ZC3H12B: variants seen among roughly 807,000 people sequenced by gnomAD.
The protein encoded by ZC3H12B is probable ribonuclease ZC3H12B.
In ZC3H12B, 7 loss-of-function variants were observed where a neutral mutation model predicts 43.9. The observed-to-expected ratio is 0.16, with a 90% CI of 0.09 to 0.30. The LOEUF is 0.30. Among genes scored for constraint, ZC3H12B ranks in the 10% least tolerant of loss-of-function variants. The pLI, the probability that ZC3H12B is intolerant of heterozygous loss-of-function variation, is 1.00. For missense variants in ZC3H12B, 475 were observed against 670.2 expected (o/e 0.71, Z 3.22); for synonymous variants, 222 against 241.7 (o/e 0.92, Z 0.76).
the ZC3H12B span, among the ~76,000 whole-genome samples, chrX:65,115,948 G>T: frequency 9.0e-6 from 1 of 110,663 alleles, no homozygotes; most frequent in Non-Finnish European, 1.9e-5. Flanking sequence ...CTTGATATTA[G>T]TCCTTTGTCA....
the ZC3H12B span, among the ~76,000 whole-genome samples, chrX:65,045,226 A>G: frequency 9.0e-6 from 1 of 111,229 alleles, no homozygotes; most frequent in Non-Finnish European, 1.9e-5. Context: ...AAATAAGACA[A>G]AAAAGGAAGT....
the ZC3H12B span, among the ~76,000 whole-genome samples, chrX:65,256,931 A>G: frequency 3.6e-5 from 4 of 112,349 alleles, no homozygotes; most frequent in Admixed American, 1.9e-4. Context: ...TAGAATGGCG[A>G]TCATGAAAAA....
the ZC3H12B span, among the ~76,000 whole-genome samples, chrX:65,297,013 C>A: frequency 9.0e-6 from 1 of 111,351 alleles, no homozygotes; most frequent in Admixed American, 9.5e-5. Context: ...GTAATAAAAG[C>A]CATCTATGAC....
the ZC3H12B span, among the ~76,000 whole-genome samples, chrX:65,076,706 AT>A: frequency 9.7e-6 from 1 of 102,626 alleles, no homozygotes; most frequent in African/African-American, 3.6e-5. Flanking sequence ...TTTAAATTTT[AT>A]TTTGGCTGTT....
chrX:65,499,346 C>T (rs2148239667), intron 3 of ZC3H12B, 113 bp downstream of exon 8: 1 of 583,792 alleles, frequency 1.7e-6, no homozygotes, highest in East Asian at 3.6e-5. Flanking sequence ...AGTTGCCACA[C>T]AGATAAAAGG....
At chrX:65,303,692 G>A in the ZC3H12B span, among the ~76,000 whole-genome samples, 1 of 112,146 alleles carries the variant, frequency 8.9e-6, no homozygotes, top group Non-Finnish European at 1.9e-5. Context: ...ACAATCAAAC[G>A]TGAAAGTTTG....
At chrX:65,151,833 T>G in the ZC3H12B span, among the ~76,000 whole-genome samples, 1 of 111,796 alleles carries the variant, frequency 8.9e-6, no homozygotes, top group East Asian at 2.8e-4. Context: ...AAATCCTCAA[T>G]AAAATACTGG....
At chrX:65,128,342 T>G in the ZC3H12B span, among the ~76,000 whole-genome samples, 2 of 112,476 alleles carry the variant, frequency 1.8e-5, no homozygotes, top group African/African-American at 6.5e-5. Context: ...AAGATTGTTG[T>G]TTAACGTCAA....
the ZC3H12B span, among the ~76,000 whole-genome samples, chrX:65,302,516 C>A: frequency 1.8e-5 from 2 of 111,779 alleles, no homozygotes; most frequent in East Asian, 2.8e-4. Context: ...TAAAGAAGAA[C>A]TAAATAAATG....
the ZC3H12B span, among the ~76,000 whole-genome samples, chrX:65,319,126 T>A: frequency 9.1e-6 from 1 of 109,967 alleles, no homozygotes; most frequent in Non-Finnish European, 1.9e-5. Context: ...CATACAAAGG[T>A]CAAAGAATGC....
the ZC3H12B span, among the ~76,000 whole-genome samples, chrX:65,149,066 T>C: frequency 8.9e-6 from 1 of 111,884 alleles, no homozygotes; most frequent in African/African-American, 3.3e-5. Flanking sequence ...TGGTTAGGAC[T>C]TGTGAAGGAG....
chrX:65,292,130 A>G, the ZC3H12B span, among the ~76,000 whole-genome samples: 1 of 112,063 alleles, frequency 8.9e-6, no homozygotes, highest in Non-Finnish European at 1.9e-5. Flanking sequence ...AGAAATCAGT[A>G]AAGACATAAT....
chrX:65,452,567 G>A lies in ZC3H12B; in HGVS notation n.408-36079G>A, dbSNP rs189566118. Among the ~76,000 whole-genome samples, 342 of 111,789 alleles carry A rather than the reference G, an allele frequency of 3.1e-3. 3 individuals are homozygous for A. Among genetic ancestry groups the A allele is most frequent in the African/African-American group, 0.01 (320 of 30,790 alleles). ...AAATGAAAACACATACTGGCTGGGC[G>A]TGGTGGCTCACGCCTGTAATCCCAA... On this transcript the variant is annotated intron_variant and non_coding_transcript_variant, in intron 3 of 5. Coordinates refer to the ZC3H12B transcript ENST00000617377.
chrX:65,102,735 A>C, the ZC3H12B span, among the ~76,000 whole-genome samples: 1 of 111,616 alleles, frequency 9.0e-6, no homozygotes, highest in African/African-American at 3.3e-5. Context: ...TATCAGGGGA[A>C]CCCGTCCCCG....
At chrX:65,127,587 A>G in the ZC3H12B span, among the ~76,000 whole-genome samples, 1 of 111,020 alleles carries the variant, frequency 9.0e-6, no homozygotes. Flanking sequence ...CAGAGCTCCT[A>G]AGAGATTATG....
At chrX:65,122,164 T>C in the ZC3H12B span, among the ~76,000 whole-genome samples, 4 of 111,327 alleles carry the variant, frequency 3.6e-5, no homozygotes, top group African/African-American at 9.8e-5. Context: ...CTATTAGGTC[T>C]GCTTGGTGCA....
the ZC3H12B span, among the ~76,000 whole-genome samples, chrX:65,313,606 C>T: frequency 3.6e-5 from 4 of 112,440 alleles, no homozygotes; most frequent in Non-Finnish European, 5.6e-5. Context: ...GTTTTGAAAA[C>T]TTAAATGACA....
chrX:65,174,613 C>T, the ZC3H12B span, among the ~76,000 whole-genome samples: 83 of 111,854 alleles, frequency 7.4e-4, no homozygotes, highest in African/African-American at 2.6e-3. Flanking sequence ...TGGTCACAGC[C>T]GCTTGCTGCG....
At chrX:65,128,528 C>A in the ZC3H12B span, among the ~76,000 whole-genome samples, 1 of 111,619 alleles carries the variant, frequency 9.0e-6, no homozygotes, top group Non-Finnish European at 1.9e-5. Context: ...AATGTGTATT[C>A]TGTTTTGGAG....
Sources: allele counts gnomAD v4.1 joint callset (sites outside exome capture counted in the v4.1 genomes callset), GRCh38; gene constraint gnomAD v4.1.1; transcripts MANE v1.5; gene names NCBI Gene and HGNC (gene_info 2026-07-23, HGNC 2026-07-21).